Variants in BCAS3 observed in about 807,000 individuals in gnomAD.
BCAS3 encodes the protein BCAS3 microtubule associated cell migration factor.
A neutral mutation model predicts 116.1 loss-of-function variants in BCAS3; 53 were observed. The ratio of observed to expected loss-of-function variants is 0.46; its 90% CI spans 0.37 to 0.57. The LOEUF is 0.57. Ranked by LOEUF, BCAS3 falls within the 20% of genes least tolerant of loss-of-function variation. The probability of loss-of-function intolerance (pLI) is 0.00; values close to 1 mark genes in which losing one functional copy is unlikely to be tolerated. For missense variants in BCAS3, 917 were observed against 1,165.4 expected (o/e 0.79, Z 3.10); for synonymous variants, 391 against 408.2 (o/e 0.96, Z 0.51).
rs2059523312 is a variant in BCAS3 at position 61,379,877 on chromosome 17, T to C, written c.2593+11383T>C. On this transcript the variant is annotated intron_variant, in intron 23 of 23. Transcript: ENST00000407086. The surrounding 1 kb of genome is among the most constrained non-coding windows in gnomAD (Gnocchi z 5.5). ...TGTTCGTTTTCCTGGAATGTTCCCA[T>C]CATCTCCCAGCTCCAGTTGGCCAGG... 6.5e-6 allele frequency: 1 copy of C among 153,266 alleles called. No homozygotes were observed. The highest frequency in any genetic ancestry group is 2.4e-5 in the African/African-American group (1 of 41,450). The allele number at this position is 153,266 out of a possible 1,614,324, so 9.5% of individuals were successfully genotyped here.
intron 4 of BCAS3, among the ~76,000 whole-genome samples, chr17:60,699,717 G>A (rs2036124846): frequency 6.6e-6 from 1 of 152,128 alleles, no homozygotes; most frequent in South Asian, 2.1e-4. Context: ...TTGAGAATAG[G>A]AAGTCATTAA....
At chr17:60,992,614 A>G (rs1249088582) in intron 15 of BCAS3, among the ~76,000 whole-genome samples, 1 of 152,154 alleles carries the variant, frequency 6.6e-6, no homozygotes, top group East Asian at 1.9e-4. Flanking sequence ...TTGTACACCA[A>G]ACCTCAGGGA....
intron 22 of BCAS3, among the ~76,000 whole-genome samples, chr17:61,242,708 A>G (rs2047621047): frequency 6.6e-6 from 1 of 152,202 alleles, no homozygotes; most frequent in African/African-American, 2.4e-5. Flanking sequence ...GTTTTTGCTT[A>G]CATAAGTTTA....
intron 6 of BCAS3, among the ~76,000 whole-genome samples, chr17:60,782,318 T>C (rs938548029): frequency 6.6e-6 from 1 of 152,162 alleles, no homozygotes; most frequent in Admixed American, 6.5e-5. Context: ...CTTCATTTTA[T>C]CTTAGTTTAT....
intron 14 of BCAS3, among the ~76,000 whole-genome samples, chr17:60,981,158 A>G (rs185893332): frequency 6.6e-6 from 1 of 152,208 alleles, no homozygotes; most frequent in Admixed American, 6.5e-5. Flanking sequence ...GTACATGCAA[A>G]GTTTTTAATG....
rs975493560 is a variant in BCAS3 at position 61,279,416 on chromosome 17, C to G, written c.2426-88911C>G. Among the ~76,000 whole-genome samples, 3 of 152,072 alleles carry G rather than the reference C, an allele frequency of 2.0e-5. No individual in the cohort carries two copies. Among genetic ancestry groups the G allele is most frequent in the Non-Finnish European group, 4.4e-5 (3 of 68,024 alleles). Reference sequence around the variant, plus strand: ...TGCCCTTTGTGGGCAGGTTTGTGCACAGATCAGGGGTTCCATTCCATTCCT... The same window carrying G: ...TGCCCTTTGTGGGCAGGTTTGTGCAGAGATCAGGGGTTCCATTCCATTCCT... On this transcript the variant is annotated intron_variant, in intron 22 of 23. Coordinates refer to ENST00000407086, the MANE Select transcript of BCAS3 (RefSeq NM_017679.5). This position sits in a 1 kb window ranked among gnomAD's most constrained non-coding sequence, Gnocchi z 4.4.
At chr17:61,057,116 A>G (rs143402535) in intron 19 of BCAS3, among the ~76,000 whole-genome samples, 1,742 of 152,318 alleles carry the variant, frequency 0.011, 9 homozygotes, top group Middle Eastern at 0.027. Context: ...GTTTATATGT[A>G]TATCTGCATC....
chr17:61,318,417 T>G (rs1001657221), intron 22 of BCAS3, among the ~76,000 whole-genome samples: 28 of 152,218 alleles, frequency 1.8e-4, no homozygotes, highest in Non-Finnish European at 2.9e-5. Context: ...CCCTGCCTAC[T>G]GTTAGAACCA....
In BCAS3 at chr17:61,342,088, C is replaced by T. The variant is rs529799642; in HGVS notation, c.2426-26239C>T. On this transcript the variant is annotated intron_variant, in intron 22 of 23. Coordinates refer to ENST00000407086, the MANE Select transcript of BCAS3 (RefSeq NM_017679.5). Reference sequence around the variant, plus strand: ...TGTGATCTCGGCTCACTGCAACCTCCACCCCTCAGGGTTCAAGCAATTCTC... The same window carrying T: ...TGTGATCTCGGCTCACTGCAACCTCTACCCCTCAGGGTTCAAGCAATTCTC... Among the ~76,000 whole-genome samples, 13 of 151,372 alleles carry T rather than the reference C, an allele frequency of 8.6e-5. No individual in the cohort carries two copies. In the East Asian group the frequency reaches 1.4e-3, roughly 16 times the overall value.
intron 12 of BCAS3, among the ~76,000 whole-genome samples, chr17:60,921,612 C>CAAAAAA (rs755864096): frequency 6.0e-5 from 2 of 33,314 alleles, no homozygotes; most frequent in Non-Finnish European, 8.1e-5. Flanking sequence ...GACTCCGTCT[C>CAAAAAA]AAAAAAAAAA....
intron 18 of BCAS3, among the ~76,000 whole-genome samples, chr17:61,040,585 A>G (rs963124780): frequency 1.3e-5 from 2 of 152,174 alleles, no homozygotes; most frequent in East Asian, 1.9e-4. Flanking sequence ...TGTTATTTGT[A>G]TGAAAGACTG....
chr17:61,121,532 A>G (rs1006523686), intron 22 of BCAS3, among the ~76,000 whole-genome samples: 15 of 152,336 alleles, frequency 9.8e-5, no homozygotes, highest in African/African-American at 3.4e-4. Context: ...AAAAAGTATT[A>G]TGAAAAATTA....
chr17:60,777,308 T>G (rs1220258071), intron 6 of BCAS3, among the ~76,000 whole-genome samples: 1 of 152,134 alleles, frequency 6.6e-6, no homozygotes. Flanking sequence ...TCTTTACTCT[T>G]GTTTACCTCA....
At chr17:60,947,177 C>T in intron 13 of BCAS3, 42 bp from the exon 14 acceptor site, 3 of 1,563,204 alleles carry the variant, frequency 1.9e-6, no homozygotes, top group Non-Finnish European at 2.6e-6. Flanking sequence ...CATCCACATA[C>T]ATAATCATTT....
At chr17:60,695,538 T>C (rs939738045) in intron 4 of BCAS3, among the ~76,000 whole-genome samples, 1 of 152,214 alleles carries the variant, frequency 6.6e-6, no homozygotes, top group African/African-American at 2.4e-5. Flanking sequence ...GGAATTGTTG[T>C]ATCATATGGT....
chr17:60,832,388 G>T (rs958016602), intron 7 of BCAS3, among the ~76,000 whole-genome samples: 1 of 152,162 alleles, frequency 6.6e-6, no homozygotes, highest in Non-Finnish European at 1.5e-5. Flanking sequence ...CGTTTGTTGT[G>T]TGAGGAGGGT....
intron 7 of BCAS3, among the ~76,000 whole-genome samples, chr17:60,843,670 A>G (rs972576511): frequency 2.6e-5 from 4 of 152,134 alleles, no homozygotes; most frequent in African/African-American, 9.7e-5. Context: ...ACAGGCTTAT[A>G]TTAGCTATTT....
intron 22 of BCAS3, among the ~76,000 whole-genome samples, chr17:61,319,170 G>A (rs988375691): frequency 2.0e-5 from 3 of 152,274 alleles, no homozygotes; most frequent in African/African-American, 7.2e-5. Flanking sequence ...TACACCCCTC[G>A]CTACAGTGCT....
chr17:61,350,192 C>T lies in BCAS3; in HGVS notation c.2426-18135C>T, dbSNP rs191427795. On this transcript the variant is annotated intron_variant, in intron 22 of 23. Transcript: ENST00000407086. Reference sequence around the variant, plus strand: ...GCATTACAGAGTGCTGTAATCCCCTCCACTCTGAGGTCAGGAGTTTGAGAC... The same window carrying T: ...GCATTACAGAGTGCTGTAATCCCCTTCACTCTGAGGTCAGGAGTTTGAGAC... Among the ~76,000 whole-genome samples, 971 of 151,908 alleles carry T rather than the reference C, an allele frequency of 6.4e-3. 11 individuals carry two copies. Among genetic ancestry groups the T allele is most frequent in the African/African-American group, 0.022 (916 of 41,430 alleles).
Sources: allele counts gnomAD v4.1 joint callset (sites outside exome capture counted in the v4.1 genomes callset), GRCh38; gene constraint gnomAD v4.1.1; non-coding constraint Gnocchi (gnomAD v3.1); transcripts MANE v1.5; gene names NCBI Gene and HGNC (gene_info 2026-07-23, HGNC 2026-07-21).